GPC4: variants seen among roughly 807,000 people sequenced by gnomAD.
The protein encoded by GPC4 is glypican-4.
A neutral mutation model predicts 35.0 loss-of-function variants in GPC4; 10 were observed. The ratio of observed to expected loss-of-function variants is 0.29; its 90% CI spans 0.18 to 0.48. The LOEUF (loss-of-function observed/expected upper bound fraction) is 0.48, where lower values mean the gene tolerates loss of function less well. Ranked by LOEUF, GPC4 falls within the 20% of genes least tolerant of loss-of-function variation. GPC4 has a pLI of 0.99. For missense variants in GPC4, 322 were observed against 451.3 expected (o/e 0.71, Z 2.60); for synonymous variants, 167 against 170.2 (o/e 0.98, Z 0.15).
At chrX:133,340,575 AAAC>A (rs2068462404) in intron 1 of GPC4, among the ~76,000 whole-genome samples, 1 of 112,090 alleles carries the variant, frequency 8.9e-6, no homozygotes, top group African/African-American at 3.2e-5. Context: ...CTAATCATTC[AAAC>A]AACACTAATC....
chrX:133,341,923 G>A (rs188656291), intron 1 of GPC4, among the ~76,000 whole-genome samples: 1 of 109,039 alleles, frequency 9.2e-6, no homozygotes, highest in Non-Finnish European at 1.9e-5. Context: ...AAAAGGCCCA[G>A]AGTGGCCCAT....
rs747868984 is a variant in GPC4 at position 133,316,129 on chromosome X, T to C, written c.712-4706A>G. Among the ~76,000 whole-genome samples, 3 of 112,120 alleles carry C rather than the reference T, an allele frequency of 2.7e-5. No individual in the cohort carries two copies. The East Asian group carries it at 8.4e-4, about 31-fold the overall frequency. Reference sequence around the variant, plus strand: ...TTCTGTTCTATGGCAGAGTTACTACTGATAGATTTTACTGGATTTTATTGG... The same window carrying C: ...TTCTGTTCTATGGCAGAGTTACTACCGATAGATTTTACTGGATTTTATTGG... On this transcript the variant is annotated intron_variant, in intron 3 of 8. Coordinates refer to ENST00000370828, the MANE Select transcript of GPC4 (RefSeq NM_001448.3).
rs2068832664 is a variant in GPC4, at chrX:133,415,086, T to TG, written c.-122dup. 1 of 699,771 alleles carries TG rather than the reference T, an allele frequency of 1.4e-6. No individual in the cohort carries two copies. Among genetic ancestry groups the TG allele is most frequent in the Non-Finnish European group, 2.1e-6 (1 of 484,687 alleles). The allele number at this position is 699,771 out of a possible 1,213,427, so 57.7% of individuals were successfully genotyped here. On this transcript the variant is annotated 5_prime_UTR_variant, in exon 1 of 9. Coordinates refer to ENST00000370828, the MANE Select transcript of GPC4 (RefSeq NM_001448.3). The stretch of plus-strand genomic sequence containing the variant: ...GAGTGGAGCTGGAGGGAGAAGGAGT[T>TG]GGAGTTGGTGGAAGAGGCGAGCAGG...
At chrX:133,385,259 A>T (rs1171331452) in intron 1 of GPC4, among the ~76,000 whole-genome samples, 1 of 111,918 alleles carries the variant, frequency 8.9e-6, no homozygotes, top group Non-Finnish European at 1.9e-5. Context: ...TTTGCAAGCC[A>T]TATACTCTTC....
rs189714503 is a variant in GPC4, at chrX:133,316,021, T to G, written c.712-4598A>C. ...CCTTTAAATAAAAAGAATGGTTTAATGATCTCTTAAAGAAAATGCTTATTT... is the reference window on the plus strand; with the variant it reads ...CCTTTAAATAAAAAGAATGGTTTAAGGATCTCTTAAAGAAAATGCTTATTT... On this transcript the variant is annotated intron_variant, in intron 3 of 8. Coordinates refer to ENST00000370828, the MANE Select transcript of GPC4 (RefSeq NM_001448.3). Among the ~76,000 whole-genome samples, 4 of 112,158 alleles carry G rather than the reference T, an allele frequency of 3.6e-5. No individual in the cohort carries two copies. The East Asian group carries it at 1.1e-3, about 32-fold the overall frequency.
intron 2 of GPC4, among the ~76,000 whole-genome samples, chrX:133,338,594 C>G (rs2068454136): frequency 8.9e-6 from 1 of 111,732 alleles, no homozygotes; most frequent in Non-Finnish European, 1.9e-5. Context: ...AGAATGGGTT[C>G]TGTCGTGGCT....
In GPC4 at chrX:133,409,320, TAAAAAAAAAAAAAAAAA is replaced by T. The variant is rs36008423; in HGVS notation, c.160+5469_160+5485del. Among the ~76,000 whole-genome samples the T allele has an allele frequency of 3.2e-3, 102 of 31,798 alleles. 3 individuals are homozygous for T. The highest frequency in any genetic ancestry group is 0.031 in the Middle Eastern group (1 of 32). The allele number at this position is 31,798 out of a possible 115,157, so 27.6% of individuals were successfully genotyped here. The stretch of plus-strand genomic sequence containing the variant: ...TCTGGGCAACAGTGAGACCCTGCCT[TAAAAAAAAAAAAAAAAA>T]AAAAAAAAAAAAAAAAAAGTGTTTA... On this transcript the variant is annotated intron_variant, in intron 1 of 8. Transcript: ENST00000370828.
At chrX:133,312,583 C>G (rs1346675702) in intron 3 of GPC4, among the ~76,000 whole-genome samples, 1 of 105,761 alleles carries the variant, frequency 9.5e-6, no homozygotes, top group East Asian at 3.0e-4. Flanking sequence ...GAGCCGAGAT[C>G]TCACCACTAC....
intron 1 of GPC4, among the ~76,000 whole-genome samples, chrX:133,402,759 C>T (rs1165425718): frequency 1.8e-5 from 2 of 110,144 alleles, no homozygotes; most frequent in East Asian, 5.7e-4. Context: ...CAAAATTAGC[C>T]GAGCATGGTG....
At chrX:133,336,760 C>A (rs1392491606) in intron 2 of GPC4, among the ~76,000 whole-genome samples, 3 of 110,660 alleles carry the variant, frequency 2.7e-5, no homozygotes, top group African/African-American at 9.8e-5. Flanking sequence ...TAAAAAAAAA[C>A]CTTGTATCTA....
At chrX:133,401,246 G>C (rs1226294628) in intron 1 of GPC4, among the ~76,000 whole-genome samples, 2 of 111,333 alleles carry the variant, frequency 1.8e-5, no homozygotes, top group East Asian at 2.8e-4. Flanking sequence ...GGAACCATTG[G>C]AGCATTCTGA....
At chrX:133,394,501 G>C (rs2068733850) in intron 1 of GPC4, among the ~76,000 whole-genome samples, 1 of 110,629 alleles carries the variant, frequency 9.0e-6, no homozygotes, top group South Asian at 3.9e-4. Context: ...GGAGAAAAGA[G>C]GGGCTGAAGA....
chrX:133,387,362 A>C (rs937792848), intron 1 of GPC4, among the ~76,000 whole-genome samples: 14 of 111,450 alleles, frequency 1.3e-4, no homozygotes, highest in African/African-American at 4.2e-4. Context: ...CTTCTTATTT[A>C]TAGTTGTCTG....
intron 1 of GPC4, among the ~76,000 whole-genome samples, chrX:133,362,544 G>A (rs1368836022): frequency 9.0e-6 from 1 of 111,629 alleles, no homozygotes; most frequent in Non-Finnish European, 1.9e-5. Context: ...ATGGCACTTA[G>A]CACTGATATT....
At chrX:133,360,044 A>G (rs2068560233) in intron 1 of GPC4, among the ~76,000 whole-genome samples, 2 of 110,099 alleles carry the variant, frequency 1.8e-5, no homozygotes, top group Admixed American at 2.0e-4. Flanking sequence ...CTGGGGGGGG[A>G]GAGAAAACCC....
rs776584699 is a variant in GPC4 at position 133,324,276 on chromosome X, T to C, written c.580A>G (p.Thr194Ala). 5.8e-6 allele frequency: 7 copies of C among 1,209,968 alleles called. No homozygotes were observed. The Admixed American group carries it at 1.5e-4, about 26-fold the overall frequency. ...DEYLECVSKY[T>A]EQLKPFGDVP... is the part of the protein sequence containing the mutation. ...TCTCCGAAGGGCTTCAGCTGCTCCG[T>C]ATACTTGCTCACACATTCCAGATAC... The change falls in exon 3 of 9, where the codon ACG becomes GCG. Residue 194 changes from threonine to alanine, a missense_variant. By Grantham distance (58) the Thr-to-Ala change is moderately conservative. Around this residue, in one of 3 missense-constraint regions of GPC4, gnomAD observed 163 missense variants for 277.2 expected, o/e 0.59. Transcript: ENST00000370828.
intron 2 of GPC4, 31 bp downstream of exon 2, chrX:133,339,152 C>T (rs1465197320): frequency 6.7e-6 from 8 of 1,201,907 alleles, no homozygotes; most frequent in Admixed American, 2.2e-5. Context: ...GACCTAACTG[C>T]CGGTTCTTAC....
At position 133,303,000 on chromosome X, in the gene GPC4, T is replaced by C. The variant is rs2068273612; in HGVS notation, c.1538A>G (p.Tyr513Cys). 1 of 1,209,575 alleles carries C rather than the reference T, an allele frequency of 8.3e-7. No homozygotes were observed. Among genetic ancestry groups the C allele is most frequent in the African/African-American group, 1.8e-5 (1 of 57,060 alleles). The change falls in exon 9 of 9, where the codon TAC (tyrosine) becomes TGC (cysteine). Residue 513 changes from tyrosine (Y) to cysteine (C), a missense_variant. Physicochemically the swap from Tyr to Cys is radical, Grantham distance 194. Around this residue, in one of 3 missense-constraint regions of GPC4, gnomAD observed 99 missense variants for 110.0 expected, o/e 0.90. Transcript: ENST00000370828. ...CTTCCCAGCATGGTCAGTGGCATTG[T>C]AGTCAAACTCTGAAGGGCACTGCTG... Reference protein sequence around the residue: ...EYQQCPSEFDYNATDHAGKSA... With the variant: ...EYQQCPSEFDCNATDHAGKSA...
At chrX:133,304,691 G>C in intron 7 of GPC4, 34 bp downstream of exon 7, 1 of 1,205,554 alleles carries the variant, frequency 8.3e-7, no homozygotes, top group Non-Finnish European at 1.1e-6. Flanking sequence ...ATCTAGGAAG[G>C]GAGAAACTTC....
Sources: allele counts gnomAD v4.1 joint callset (sites outside exome capture counted in the v4.1 genomes callset), GRCh38; gene constraint gnomAD v4.1.1; regional missense constraint gnomAD v4.1.1; transcripts MANE v1.5; gene names NCBI Gene and HGNC (gene_info 2026-07-23, HGNC 2026-07-21).